The following PDE1C variants were observed in gnomAD, a reference collection of about 807,000 sequenced individuals.
PDE1C encodes phosphodiesterase 1C.
A neutral mutation model predicts 93.1 loss-of-function variants in PDE1C; 62 were observed. The ratio of observed to expected loss-of-function variants is 0.67; its 90% CI spans 0.54 to 0.82. PDE1C has a LOEUF of 0.82. Ranked by LOEUF, PDE1C falls within the 40% of genes least tolerant of loss-of-function variation. The pLI is 0.00. For missense variants in PDE1C, 742 were observed against 884.6 expected (o/e 0.84, Z 2.04); for synonymous variants, 325 against 310.1 (o/e 1.05, Z -0.50).
At chr7:31,993,230 G>A (rs1485525966) in intron 2 of PDE1C, among the ~76,000 whole-genome samples, 2 of 152,108 alleles carry the variant, frequency 1.3e-5, no homozygotes, top group Non-Finnish European at 2.9e-5. Context: ...TGATCATAAC[G>A]CTACCATTCC....
chr7:31,953,366 G>A (rs1320366351), intron 2 of PDE1C, among the ~76,000 whole-genome samples: 1 of 152,126 alleles, frequency 6.6e-6, no homozygotes. Context: ...GAGGAGGGAG[G>A]CTTTGGATTC....
At chr7:32,056,105 A>ATGTAGCTAGACCAAGC (rs371528320) in intron 1 of PDE1C, among the ~76,000 whole-genome samples, 2 of 152,248 alleles carry the variant, frequency 1.3e-5, no homozygotes, top group African/African-American at 4.8e-5. Flanking sequence ...TCAAGATTTC[A>ATGTAGCTAGACCAAGC]TGTAGCTAGA....
intron 1 of PDE1C, among the ~76,000 whole-genome samples, chr7:32,307,004 C>T (rs1001081332): frequency 2.6e-5 from 4 of 152,222 alleles, no homozygotes; most frequent in African/African-American, 9.7e-5. Flanking sequence ...TTGGCTTTGA[C>T]ATGCTCTATC....
At chr7:31,739,200 G>GACACACACACACACACAC in the PDE1C span, among the ~76,000 whole-genome samples, 28 of 143,164 alleles carry the variant, frequency 2.0e-4, no homozygotes, top group South Asian at 1.9e-3. Flanking sequence ...GTAACTTTTA[G>GACACACACACACACACAC]ACACACACAC....
chr7:32,032,401 C>T (rs567875076), intron 2 of PDE1C, among the ~76,000 whole-genome samples: 6 of 152,292 alleles, frequency 3.9e-5, no homozygotes, highest in African/African-American at 1.4e-4. Context: ...AGAGTGTCCC[C>T]ATCTCTCTGC....
chr7:32,315,244 G>A (rs1352561651), intron 1 of PDE1C, among the ~76,000 whole-genome samples: 1 of 151,944 alleles, frequency 6.6e-6, no homozygotes, highest in Admixed American at 6.6e-5. Flanking sequence ...TAAATCAGAT[G>A]TTGCAAACTG....
the PDE1C span, among the ~76,000 whole-genome samples, chr7:31,629,017 C>CA: frequency 1.3e-5 from 2 of 151,868 alleles, no homozygotes; most frequent in Non-Finnish European, 2.9e-5. Context: ...TTAAAGTCTC[C>CA]AAAAAAATTG....
intron 1 of PDE1C, among the ~76,000 whole-genome samples, chr7:32,330,393 C>A (rs1418302085): frequency 6.6e-6 from 1 of 152,212 alleles, no homozygotes; most frequent in Non-Finnish European, 1.5e-5. Context: ...CTTTCCTGGG[C>A]TGGATCTAAA....
downstream of PDE1C, among the ~76,000 whole-genome samples, chr7:31,749,738 T>TG (rs370647790): frequency 3.8e-4 from 55 of 144,014 alleles, 1 homozygote; most frequent in Middle Eastern, 3.6e-3. Flanking sequence ...TTGTCTAATT[T>TG]TTTTTTTTTT....
At chr7:32,183,903 C>G (rs954331241) in intron 2 of PDE1C, among the ~76,000 whole-genome samples, 56 of 152,280 alleles carry the variant, frequency 3.7e-4, no homozygotes, top group African/African-American at 1.2e-3. Context: ...ACCTACTCAT[C>G]TGACAAAGGG....
intron 3 of PDE1C, among the ~76,000 whole-genome samples, chr7:32,167,311 A>G (rs893380321): frequency 3.9e-5 from 6 of 152,188 alleles, no homozygotes; most frequent in Non-Finnish European, 8.8e-5. Flanking sequence ...AGAGCTAGAA[A>G]AGATTTCCGG....
intron 2 of PDE1C, among the ~76,000 whole-genome samples, chr7:31,961,253 TATATATATAC>T (rs773685073): frequency 4.6e-5 from 7 of 151,374 alleles, no homozygotes; most frequent in Non-Finnish European, 8.8e-5. Flanking sequence ...TGTATATATA[TATATATATAC>T]ACACACACAG....
intron 1 of PDE1C, among the ~76,000 whole-genome samples, chr7:32,251,508 C>A (rs768777161): frequency 1.2e-4 from 18 of 152,256 alleles, no homozygotes; most frequent in Admixed American, 4.6e-4. Context: ...GCCTTTCCAG[C>A]CACCACTTCC....
chr7:31,800,319 C>A (rs1283859589), intron 16 of PDE1C, among the ~76,000 whole-genome samples: 1 of 151,332 alleles, frequency 6.6e-6, no homozygotes, highest in East Asian at 1.9e-4. Context: ...CTTTGCTTAA[C>A]CCAAGATCAA....
intron 1 of PDE1C, among the ~76,000 whole-genome samples, chr7:32,056,368 AACACACACACACACACACAC>A (rs375602478): frequency 8.4e-6 from 1 of 119,186 alleles, no homozygotes; most frequent in Middle Eastern, 4.3e-3. Flanking sequence ...CTCTCACTGA[AACACACACACACACACACAC>A]ACACACACAC....
chr7:32,003,460 A>G (rs1010557232), intron 2 of PDE1C, among the ~76,000 whole-genome samples: 4 of 152,262 alleles, frequency 2.6e-5, no homozygotes, highest in Non-Finnish European at 5.9e-5. Flanking sequence ...GGTTCAAGAT[A>G]AAACACTGTA....
the PDE1C span, among the ~76,000 whole-genome samples, chr7:31,623,058 A>C: frequency 2.7e-4 from 41 of 152,240 alleles, no homozygotes; most frequent in Non-Finnish European, 2.2e-4. Flanking sequence ...AACCAGGAAG[A>C]AGTTGAATCT....
chr7:32,182,918 A>G (rs543804598), intron 2 of PDE1C, among the ~76,000 whole-genome samples: 1 of 152,326 alleles, frequency 6.6e-6, no homozygotes, highest in East Asian at 1.9e-4. Flanking sequence ...CTCAGCCCAA[A>G]ATCTCCTTAA....
At chr7:32,157,095 C>T (rs1420094264) in intron 3 of PDE1C, among the ~76,000 whole-genome samples, 1 of 152,176 alleles carries the variant, frequency 6.6e-6, no homozygotes, top group Non-Finnish European at 1.5e-5. Context: ...GAACATTCTG[C>T]ACAACAAAAC....
Sources: allele counts gnomAD v4.1 joint callset (sites outside exome capture counted in the v4.1 genomes callset), GRCh38; gene constraint gnomAD v4.1.1; transcripts MANE v1.5; gene names NCBI Gene and HGNC (gene_info 2026-07-23, HGNC 2026-07-21).